Variants in SUPT5H observed in about 807,000 individuals in gnomAD.
SUPT5H encodes the protein SPT5 homolog, DSIF elongation factor subunit.
SUPT5H carries 24 observed loss-of-function variants against 142.5 expected under a neutral mutation model. The ratio of observed to expected loss-of-function variants is 0.17; its 90% CI spans 0.12 to 0.24. The LOEUF is 0.24. Among genes scored for constraint, SUPT5H ranks in the 10% least tolerant of loss-of-function variants. The pLI is 1.00. For synonymous variants in SUPT5H, 546 were observed against 553.0 expected, an observed-to-expected ratio of 0.99 and a Z score of 0.18; for missense variants, 893 against 1,471.8, an observed-to-expected ratio of 0.61 and a Z score of 6.43.
chr19:39,472,781 G>A lies in SUPT5H; in HGVS notation c.2036-29G>A, dbSNP rs764694347. 19 of 1,601,056 alleles carry A rather than the reference G, an allele frequency of 1.2e-5. No individual in the cohort carries two copies. The highest frequency in any genetic ancestry group is 1.5e-5 in the Non-Finnish European group (18 of 1,173,134). On this transcript the variant is annotated intron_variant, in intron 21 of 29. Coordinates refer to ENST00000432763, the MANE Select transcript of SUPT5H (RefSeq NM_001111020.3). This position sits in a 1 kb window ranked among gnomAD's most constrained non-coding sequence, Gnocchi z 4.2. Reference sequence around the variant, plus strand: ...CCCTTGCTGTGGGCACAGCCGTGGGGGACCAGTGACATTCTCCCCAATCCC... The same window carrying A: ...CCCTTGCTGTGGGCACAGCCGTGGGAGACCAGTGACATTCTCCCCAATCCC...
At position 39,476,263 on chromosome 19, in the gene SUPT5H, T is replaced by C; in HGVS notation, c.3128T>C (p.Val1043Ala). 1.2e-6 allele frequency: 2 copies of C among 1,614,080 alleles called. No homozygotes were observed. Among genetic ancestry groups the C allele is most frequent in the Non-Finnish European group, 1.7e-6 (2 of 1,180,010 alleles). Reference protein sequence around the residue: ...ITPTKNNKVKVILGEDREATG... With the variant: ...ITPTKNNKVKAILGEDREATG... ...TATTCCCCCCACCCCCAGGTGAAAG[T>C]GATCCTGGGCGAGGATCGGGAAGCC... The change falls in exon 30 of 30, where the codon GTG becomes GCG. Residue 1043 changes from valine to alanine, a missense_variant. Physicochemically the swap from Val to Ala is moderately conservative, Grantham distance 64. This residue lies in a region of SUPT5H where 336 missense variants were observed against 546.5 expected (regional missense o/e 0.61). Transcript: ENST00000432763.
intron 11 of SUPT5H, among the ~76,000 whole-genome samples, chr19:39,465,658 C>T (rs1478620040): frequency 2.0e-5 from 3 of 152,180 alleles, no homozygotes; most frequent in African/African-American, 7.2e-5. Flanking sequence ...CTCCAATGCA[C>T]AGGATGGCTG....
rs754865197 is a variant in SUPT5H, at chr19:39,471,402, G to A, written c.1723G>A (p.Val575Met). 16 of 1,614,112 alleles carry A rather than the reference G, an allele frequency of 9.9e-6. No homozygotes were observed. Among genetic ancestry groups the A allele is most frequent in the African/African-American group, 1.3e-5 (1 of 74,932 alleles). The change falls in exon 19 of 30, where the codon GTG (valine) becomes ATG (methionine). Residue 575 changes from valine to methionine, a missense_variant. Around this residue, in one of 6 missense-constraint regions of SUPT5H, gnomAD observed 428 missense variants for 763.5 expected, o/e 0.56. Coordinates refer to ENST00000432763, the MANE Select transcript of SUPT5H (RefSeq NM_001111020.3). ...GKVVTVRHQA[V>M]TRKKDNRFAV... ...GGTGGTGACTGTCAGACATCAGGCTGTGACCCGGAAGAAGGACAACCGCTT... is the reference window on the plus strand; with the variant it reads ...GGTGGTGACTGTCAGACATCAGGCTATGACCCGGAAGAAGGACAACCGCTT...
intron 7 of SUPT5H, 28 bp from the exon 8 acceptor site, chr19:39,459,156 C>T: frequency 1.2e-6 from 2 of 1,610,126 alleles, no homozygotes; most frequent in Non-Finnish European, 1.7e-6. Flanking sequence ...AGAGCTTCAC[C>T]CCTTCCTGAC....
chr19:39,476,007 G>A, intron 28 of SUPT5H, 74 bp from the exon 29 acceptor site: 1 of 1,384,182 alleles, frequency 7.2e-7, no homozygotes, highest in Admixed American at 1.9e-5. Flanking sequence ...CCCTGAGCCT[G>A]TGTCCCCTGG....
At chr19:39,475,274 G>A (rs966333991) in intron 28 of SUPT5H, 2 of 148,372 alleles carry the variant, frequency 1.3e-5, no homozygotes, top group African/African-American at 5.1e-5. Context: ...GCGCATGCCT[G>A]TAATCCCAGC....
chr19:39,469,231 C>T lies in SUPT5H; in HGVS notation c.1238-31C>T. 6.2e-7 allele frequency: 1 copy of T among 1,614,178 alleles called. No homozygotes were observed. The highest frequency in any genetic ancestry group is 2.2e-5 in the East Asian group (1 of 44,892). On this transcript the variant is annotated intron_variant, in intron 15 of 29. Coordinates refer to ENST00000432763, the MANE Select transcript of SUPT5H (RefSeq NM_001111020.3). This position sits in a 1 kb window ranked among gnomAD's most constrained non-coding sequence, Gnocchi z 5.1. ...AGCAGGGGCGGCCCATGGTGGCAAC[C>T]CCCGAGTCAGCCCTACGACTGCCCC...
chr19:39,468,960 C>T, intron 14 of SUPT5H, 99 bp downstream of exon 14: 3 of 1,534,120 alleles, frequency 2.0e-6, no homozygotes, highest in Non-Finnish European at 2.7e-6. Context: ...TCCCACTCCT[C>T]AAGTTAGGAG....
intron 28 of SUPT5H, 22 bp from the exon 29 acceptor site, chr19:39,476,059 C>A: frequency 1.2e-6 from 2 of 1,605,938 alleles, no homozygotes; most frequent in Non-Finnish European, 8.5e-7. Flanking sequence ...GACAGGCTGA[C>A]CAGGCTGTCC....
chr19:39,459,316 A>G (rs1441529498), intron 8 of SUPT5H, 67 bp downstream of exon 8: 5 of 1,530,082 alleles, frequency 3.3e-6, no homozygotes, highest in Non-Finnish European at 4.4e-6. Context: ...TGGTGCCTAG[A>G]CAGGTGGCTC....
At position 39,447,450 on chromosome 19, in the gene SUPT5H, C is replaced by CTTTT. The variant is rs59007555; in HGVS notation, c.75+1500_75+1503dup. Among the ~76,000 whole-genome samples the CTTTT allele has an allele frequency of 3.5e-3, 465 of 132,026 alleles. 6 individuals are homozygous for CTTTT. The highest frequency in any genetic ancestry group is 5.5e-3 in the Admixed American group (70 of 12,830). 86.6% of individuals were successfully genotyped at this position (132,026 alleles called of 152,430 possible). On this transcript the variant is annotated intron_variant, in intron 2 of 29. Transcript: ENST00000432763. ...CAAATGTTCTTTTATTTGCCATTAT[C>CTTTT]TTTTTTTTTTTTTTTTTTGAGACAG...
rs757731389 is a variant in SUPT5H, at chr19:39,472,502, G to C, written c.2035+9G>C. 1 of 1,613,792 alleles carries C rather than the reference G, an allele frequency of 6.2e-7. No individual in the cohort carries two copies. The highest frequency in any genetic ancestry group is 1.1e-5 in the South Asian group (1 of 91,078). On this transcript the variant is annotated intron_variant, in intron 21 of 29. Transcript: ENST00000432763. This position sits in a 1 kb window ranked among gnomAD's most constrained non-coding sequence, Gnocchi z 4.2. ...GCACCCCAGTGCTGGAGGTGAGAGG[G>C]GTTCAGGGTCAGGGGATGTGGTGGG...
rs957447793 is a variant in SUPT5H at position 39,473,221 on chromosome 19, C to T, written c.2277C>T (p.Gly759=). ...TCCCCAGGGGCTCACGGCGCCCGGG[C>T]GGCATGACCTCGACCTATGGGAGGA... ...RLTTVGSRRP[G]GMTSTYGRTP... is the part of the protein sequence containing the mutation. The change falls in exon 24 of 30, where the codon GGC becomes GGT. Residue 759 remains glycine, a synonymous_variant. Transcript: ENST00000432763. This position sits in a 1 kb window ranked among gnomAD's most constrained non-coding sequence, Gnocchi z 5.8. The T allele has an allele frequency of 2.5e-5, 41 of 1,612,750 alleles. No homozygotes were observed. Among genetic ancestry groups the T allele is most frequent in the Non-Finnish European group, 3.1e-5 (37 of 1,179,948 alleles).
chr19:39,465,671 C>T (rs1600715887), intron 11 of SUPT5H, among the ~76,000 whole-genome samples: 1 of 152,098 alleles, frequency 6.6e-6, no homozygotes, highest in Non-Finnish European at 1.5e-5. Flanking sequence ...GATGGCTGCC[C>T]ACAACAAAAA....
chr19:39,456,407 T>TG (rs1311033003), intron 3 of SUPT5H, among the ~76,000 whole-genome samples: 15 of 147,246 alleles, frequency 1.0e-4, no homozygotes, highest in East Asian at 2.0e-4. Context: ...ACTGTTTTTT[T>TG]TTGTTGTTGT....
chr19:39,455,985 G>T (rs2079084285), intron 3 of SUPT5H, among the ~76,000 whole-genome samples: 1 of 146,352 alleles, frequency 6.8e-6, no homozygotes. Context: ...GGAGTGCAGT[G>T]GTGTGATCTC....
intron 3 of SUPT5H, among the ~76,000 whole-genome samples, chr19:39,454,999 C>T (rs1202781486): frequency 6.6e-6 from 1 of 152,196 alleles, no homozygotes; most frequent in Non-Finnish European, 1.5e-5. Context: ...TAGCATTTAA[C>T]ATGCAGGAAC....
chr19:39,471,439 T>G lies in SUPT5H; in HGVS notation c.1760T>G (p.Leu587Trp). 1 of 1,614,204 alleles carries G rather than the reference T, an allele frequency of 6.2e-7. No individual in the cohort carries two copies. The highest frequency in any genetic ancestry group is 2.2e-5 in the East Asian group (1 of 44,888). The change falls in exon 19 of 30, where the codon TTG (leucine) becomes TGG (tryptophan). Residue 587 changes from leucine (L) to tryptophan (W), a missense_variant. Leu to Trp is a moderately conservative substitution (Grantham distance 61, BLOSUM62 -2). Around this residue, in one of 6 missense-constraint regions of SUPT5H, gnomAD observed 428 missense variants for 763.5 expected, o/e 0.56. Transcript: ENST00000432763. ...RKKDNRFAVA[L>W]DSEQNNIHVK... ...AAGGACAACCGCTTTGCTGTGGCCT[T>G]GGACTCAGAGCAGAACAACATCCAT... is the stretch of plus-strand genomic sequence containing the variant.
Position 39,469,105 on chromosome 19 carries a change from C to G in SUPT5H, c.1170C>G (p.Leu390=), listed in dbSNP as rs144234640. 7.2e-5 allele frequency: 117 copies of G among 1,614,110 alleles called. No homozygotes were observed. Among genetic ancestry groups the G allele is most frequent in the Non-Finnish European group, 9.7e-5 (114 of 1,180,054 alleles). Residue 390 remains leucine, a synonymous_variant, in exon 15 of 30, where the codon CTC becomes CTG. Transcript: ENST00000432763. The surrounding 1 kb of genome is among the most constrained non-coding windows in gnomAD (Gnocchi z 5.1). ...TCACGGAGGGTGTGAAGCCAACACT[C>G]TCTGAGCTGGAAAAGTTTGAGGACC... ...AVITEGVKPT[L]SELEKFEDQP...
Sources: allele counts gnomAD v4.1 joint callset (sites outside exome capture counted in the v4.1 genomes callset), GRCh38; gene constraint gnomAD v4.1.1; regional missense constraint gnomAD v4.1.1; non-coding constraint Gnocchi (gnomAD v3.1); transcripts MANE v1.5; gene names NCBI Gene and HGNC (gene_info 2026-07-23, HGNC 2026-07-21).